TBC1D32: variants seen among roughly 807,000 people sequenced by gnomAD.
TBC1D32 encodes TBC1 domain family member 32.
TBC1D32 carries 151 observed loss-of-function variants against 170.3 expected under a neutral mutation model. The observed-to-expected ratio is 0.89, with a 90% CI of 0.78 to 1.01. The LOEUF (loss-of-function observed/expected upper bound fraction) is 1.01. TBC1D32 is among the 50% of genes least tolerant of loss of function. The probability of loss-of-function intolerance (pLI) is 0.00; values close to 1 mark genes in which losing one functional copy is unlikely to be tolerated. For synonymous variants in TBC1D32, 498 were observed against 488.0 expected (o/e 1.02, Z -0.27); for missense variants, 1,464 against 1,457.1 (o/e 1.00, Z -0.08).
chr6:121,248,508 G>C (rs1325500959), intron 17 of TBC1D32, among the ~76,000 whole-genome samples: 1 of 151,598 alleles, frequency 6.6e-6, no homozygotes, highest in Admixed American at 6.6e-5. Context: ...AAATACAAAA[G>C]ATAAATGAAG....
chr6:121,124,062 T>G (rs1780571255), intron 26 of TBC1D32, among the ~76,000 whole-genome samples: 2 of 152,070 alleles, frequency 1.3e-5, no homozygotes, highest in African/African-American at 4.8e-5. Flanking sequence ...AAAAAATTGT[T>G]GTAGTTATCA....
chr6:121,331,747 C>T (rs1432684852), intron 1 of TBC1D32, among the ~76,000 whole-genome samples: 1 of 152,142 alleles, frequency 6.6e-6, no homozygotes, highest in Non-Finnish European at 1.5e-5. Flanking sequence ...AATAACTGAC[C>T]TTTAAGATCC....
intron 24 of TBC1D32, among the ~76,000 whole-genome samples, chr6:121,150,616 G>A (rs1784092654): frequency 6.6e-6 from 1 of 152,132 alleles, no homozygotes; most frequent in Admixed American, 6.5e-5. Flanking sequence ...GAATTTGGCT[G>A]TGAATCCATC....
chr6:121,275,595 T>C (rs995790022), intron 15 of TBC1D32, among the ~76,000 whole-genome samples: 3 of 152,094 alleles, frequency 2.0e-5, no homozygotes, highest in Non-Finnish European at 2.9e-5. Context: ...TACAAACTGA[T>C]TATGCAGTCC....
In TBC1D32 at chr6:121,239,125, C is replaced by G; in HGVS notation, c.2309G>C (p.Arg770Thr). 1.9e-6 allele frequency: 3 copies of G among 1,605,566 alleles called. No homozygotes were observed. Among genetic ancestry groups the G allele is most frequent in the Non-Finnish European group, 8.5e-7 (1 of 1,174,202 alleles). ...SNLEYGRDDV[R>T]VTHPRTTPVD... ...TGGAGTAGTTCTGGGATGGGTTACCCTAACATCATCTCTTCCATATTCCAG... is the reference window on the plus strand; with the variant it reads ...TGGAGTAGTTCTGGGATGGGTTACCGTAACATCATCTCTTCCATATTCCAG... The change falls in exon 20 of 32, where the codon AGG (arginine) becomes ACG (threonine). Residue 770 changes from arginine (R) to threonine (T), a missense_variant. Around this residue, in one of 3 missense-constraint regions of TBC1D32, gnomAD observed 1,363 missense variants for 1,338.1 expected, o/e 1.02. Transcript: ENST00000398212.
Position 121,146,772 on chromosome 6 carries a change from A to G in TBC1D32, c.2773+13238T>C, listed in dbSNP as rs1411613598. On this transcript the variant is annotated intron_variant, in intron 24 of 31. Coordinates refer to ENST00000398212, the MANE Select transcript of TBC1D32 (RefSeq NM_152730.6). ...GCACTGATTCCTAGGAACTAATAAT[A>G]TATTTTTCTACTCAAAAGTGTTCAT... 2.6e-5 allele frequency among the ~76,000 whole-genome samples: 4 copies of G among 152,306 alleles called. No homozygotes were observed. In the South Asian group the frequency reaches 6.2e-4, roughly 24 times the overall value.
intron 22 of TBC1D32, chr6:121,162,888 G>T (rs1785945373): frequency 9.2e-6 from 1 of 108,528 alleles, no homozygotes; most frequent in Non-Finnish European, 2.0e-5. Flanking sequence ...AGCCGAAGCA[G>T]GGCGAGGCAT....
At chr6:121,196,071 T>A (rs1790696614) in intron 22 of TBC1D32, among the ~76,000 whole-genome samples, 1 of 152,180 alleles carries the variant, frequency 6.6e-6, no homozygotes, top group South Asian at 2.1e-4. Flanking sequence ...ACCATGAAGA[T>A]ACTTGTATCC....
intron 15 of TBC1D32, among the ~76,000 whole-genome samples, chr6:121,267,041 T>C (rs117963309): frequency 0.024 from 3,558 of 145,902 alleles, 160 homozygotes; most frequent in East Asian, 0.12. Flanking sequence ...CAAACATGCA[T>C]GTTCTGCACA....
intron 22 of TBC1D32, among the ~76,000 whole-genome samples, chr6:121,161,257 C>T (rs1284082937): frequency 3.3e-5 from 5 of 152,196 alleles, no homozygotes; most frequent in African/African-American, 9.6e-5. Flanking sequence ...CATAGGCAAA[C>T]GTGTGCCATG....
intron 29 of TBC1D32, among the ~76,000 whole-genome samples, chr6:121,111,021 T>C (rs553444083): frequency 2.6e-5 from 4 of 152,146 alleles, no homozygotes; most frequent in Non-Finnish European, 5.9e-5. Flanking sequence ...TAGAAAGGTG[T>C]CAAGGCTTTA....
chr6:121,191,137 A>G (rs1427422707), intron 22 of TBC1D32, among the ~76,000 whole-genome samples: 1 of 152,172 alleles, frequency 6.6e-6, no homozygotes, highest in Non-Finnish European at 1.5e-5. Flanking sequence ...ACATGTACAT[A>G]TATACATATA....
intron 14 of TBC1D32, among the ~76,000 whole-genome samples, chr6:121,279,817 C>T (rs1278434677): frequency 6.6e-6 from 1 of 151,984 alleles, no homozygotes; most frequent in African/African-American, 2.4e-5. Context: ...AATACCTTTG[C>T]CAATATATTA....
At chr6:121,220,542 A>G (rs1235403643) in intron 21 of TBC1D32, among the ~76,000 whole-genome samples, 1 of 152,186 alleles carries the variant, frequency 6.6e-6, no homozygotes. Flanking sequence ...ATGAAAGTAC[A>G]AGATGAAGTA....
chr6:121,271,197 T>G (rs1369194768), intron 15 of TBC1D32, among the ~76,000 whole-genome samples: 2 of 152,118 alleles, frequency 1.3e-5, no homozygotes, highest in African/African-American at 2.4e-5. Context: ...CTTTGAAAAC[T>G]GGCACAAGAC....
chr6:121,238,966 T>C, intron 20 of TBC1D32, 104 bp downstream of exon 20: 3 of 534,692 alleles, frequency 5.6e-6, no homozygotes, highest in Non-Finnish European at 9.9e-6. Flanking sequence ...ATAAATATAT[T>C]AAAAAGTCTG....
chr6:121,219,238 T>C (rs1246413331), intron 21 of TBC1D32, among the ~76,000 whole-genome samples: 1 of 152,030 alleles, frequency 6.6e-6, no homozygotes, highest in African/African-American at 2.4e-5. Context: ...GTGTGGTAAA[T>C]AAAAGAAGGC....
chr6:121,118,481 T>C (rs1562537988), intron 26 of TBC1D32, among the ~76,000 whole-genome samples: 1 of 152,214 alleles, frequency 6.6e-6, no homozygotes, highest in Non-Finnish European at 1.5e-5. Flanking sequence ...TGAACTGATA[T>C]CACTCAGTGT....
intron 15 of TBC1D32, among the ~76,000 whole-genome samples, chr6:121,256,648 T>C (rs1386439562): frequency 6.6e-6 from 1 of 152,116 alleles, no homozygotes; most frequent in Non-Finnish European, 1.5e-5. Flanking sequence ...CAGGACTTAG[T>C]TCCCCTATAT....
Sources: allele counts gnomAD v4.1 joint callset (sites outside exome capture counted in the v4.1 genomes callset), GRCh38; gene constraint gnomAD v4.1.1; regional missense constraint gnomAD v4.1.1; transcripts MANE v1.5; gene names NCBI Gene and HGNC (gene_info 2026-07-23, HGNC 2026-07-21).